Variants in NCOR2 observed in about 807,000 individuals in gnomAD.
NCOR2 encodes the protein nuclear receptor corepressor 2, also known as CTG repeat protein 26.
In NCOR2, 81 loss-of-function variants were observed where a neutral mutation model predicts 262.9. The observed-to-expected ratio is 0.31, with a 90% CI of 0.26 to 0.37. The LOEUF (loss-of-function observed/expected upper bound fraction) is 0.37, where lower values mean the gene tolerates loss of function less well. Ranked by LOEUF, NCOR2 falls within the 10% of genes least tolerant of loss-of-function variation. NCOR2 has a pLI of 1.00. For missense variants in NCOR2, 3,385 were observed against 3,621.4 expected, an observed-to-expected ratio of 0.93 and a Z score of 1.68; for synonymous variants, 1,659 against 1,559.3, an observed-to-expected ratio of 1.06 and a Z score of -1.51.
chr12:124,562,938 C>T (rs934296669), intron 1 of NCOR2, among the ~76,000 whole-genome samples: 1 of 152,140 alleles, frequency 6.6e-6, no homozygotes, highest in African/African-American at 2.4e-5. Context: ...TATCTCACAA[C>T]CATAAAGTCA....
intron 26 of NCOR2, 118 bp from the exon 29 acceptor site, chr12:124,354,314 A>G (rs2037767691): frequency 1.6e-6 from 2 of 1,220,164 alleles, no homozygotes; most frequent in South Asian, 1.4e-5. Flanking sequence ...GTTTCAACGC[A>G]GAGGGAGTCC....
chr12:124,536,579 C>A (rs1302296016), upstream of NCOR2, among the ~76,000 whole-genome samples: 2 of 152,282 alleles, frequency 1.3e-5, no homozygotes, highest in Non-Finnish European at 2.9e-5. Context: ...CGTCATCAGT[C>A]CTTAAGAGAG....
At chr12:124,544,087 AC>A (rs1207140440) in intron 1 of NCOR2, among the ~76,000 whole-genome samples, 2 of 151,900 alleles carry the variant, frequency 1.3e-5, no homozygotes, top group African/African-American at 2.4e-5. Flanking sequence ...TCTGCCCGGC[AC>A]CCCCTGCCCG....
At chr12:124,445,789 C>T (rs998730605) in intron 7 of NCOR2, among the ~76,000 whole-genome samples, 6 of 152,176 alleles carry the variant, frequency 3.9e-5, no homozygotes, top group African/African-American at 9.7e-5. Context: ...CAGTGCCTGG[C>T]GTGTAGTAGA....
At chr12:124,331,624 T>TC (rs1433633065) in intron 43 of NCOR2, 2 of 152,872 alleles carry the variant, frequency 1.3e-5, no homozygotes, top group Non-Finnish European at 2.9e-5. Flanking sequence ...TTAAAGTTTT[T>TC]TGTAGAGATG....
chr12:124,362,442 G>C, intron 21 of NCOR2, 145 bp from the exon 24 acceptor site: 1 of 726,712 alleles, frequency 1.4e-6, no homozygotes, highest in Non-Finnish European at 2.1e-6. Context: ...GCAAGAAAGG[G>C]AGGTCTTAGC....
exon 37 of NCOR2, chr12:124,340,149 G>A (rs1052234031): frequency 5.6e-6 from 9 of 1,596,976 alleles, no homozygotes; most frequent in South Asian, 1.1e-5. Flanking sequence ...AGTGGGAGGC[G>A]GGGCGGCTGC....
At position 124,396,243 on chromosome 12, in the gene NCOR2, C is replaced by T. The variant is rs2041648853; in HGVS notation, c.1876+1876G>A. Among the ~76,000 whole-genome samples the T allele has an allele frequency of 2.0e-5, 3 of 152,248 alleles. No individual in the cohort carries two copies. In the South Asian group the frequency reaches 6.2e-4, roughly 32 times the overall value. ...TTTCCATCTGGGGTGAGAAAAAGTT[C>T]TGGAACTAGGCAGTGGTGAGGGTTG... is the stretch of plus-strand genomic sequence containing the variant. On this transcript the variant is annotated intron_variant, in intron 16 of 46. Coordinates refer to ENST00000405201, the Ensembl canonical transcript of NCOR2.
At chr12:124,337,222 C>T (rs1331869425) in intron 37 of NCOR2, 42 bp from the exon 40 acceptor site, 1 of 1,540,868 alleles carries the variant, frequency 6.5e-7, no homozygotes, top group East Asian at 2.4e-5. Context: ...ATGGGAGCTG[C>T]CCTCTTCCTC....
intron 4 of NCOR2, among the ~76,000 whole-genome samples, chr12:124,471,277 T>G (rs375191893): frequency 6.6e-6 from 1 of 152,216 alleles, no homozygotes; most frequent in Non-Finnish European, 1.5e-5. Context: ...TTCACCCACC[T>G]GCCTACAGTG....
intron 5 of NCOR2, among the ~76,000 whole-genome samples, chr12:124,463,455 T>A (rs556875680): frequency 6.6e-6 from 1 of 152,202 alleles, no homozygotes; most frequent in Non-Finnish European, 1.5e-5. Context: ...CCCTGCCATC[T>A]GTGCACACCT....
At chr12:124,452,132 C>T (rs1220171928) in intron 6 of NCOR2, among the ~76,000 whole-genome samples, 2 of 152,224 alleles carry the variant, frequency 1.3e-5, no homozygotes, top group Non-Finnish European at 2.9e-5. Flanking sequence ...GAAGTTTGAA[C>T]AAGAGGGAGA....
In NCOR2 at chr12:124,356,704, C is replaced by CGG; in HGVS notation, c.3177_3178dup (p.Arg1060ProfsTer4). On this transcript the variant is annotated frameshift_variant, in exon 23 of 47. Transcript: ENST00000405201. LOFTEE classifies it high-confidence loss of function. ...ATGCGGGGAGGCCTTGATCACCTCA[C>CGG]GGGGGGGCACGGGGAAGGGCAGGCC... The CGG allele has an allele frequency of 6.7e-7, 1 of 1,490,020 alleles. No individual in the cohort carries two copies. The highest frequency in any genetic ancestry group is 8.9e-7 in the Non-Finnish European group (1 of 1,129,730). The allele number at this position is 1,490,020 out of a possible 1,614,324, so 92.3% of individuals were successfully genotyped here.
rs1279859660 is a variant in NCOR2, at chr12:124,517,738, G to A, written c.-118+17827C>T. Among the ~76,000 whole-genome samples the A allele has an allele frequency of 3.3e-5, 5 of 152,202 alleles. No individual in the cohort carries two copies. Among genetic ancestry groups the A allele is most frequent in the Non-Finnish European group, 7.4e-5 (5 of 68,020 alleles). The stretch of plus-strand genomic sequence containing the variant: ...AAGGAGAGGAGCACAGTGCCCACCC[G>A]GGTCCCCTCCCACGCGGGCCGGCCA... On this transcript the variant is annotated intron_variant, in intron 1 of 46. Transcript: ENST00000404621. The surrounding 1 kb of genome is among the most constrained non-coding windows in gnomAD (Gnocchi z 7.6).
In NCOR2 at chr12:124,345,083, G is replaced by A. The variant is rs139534862; in HGVS notation, c.4360-132C>T. On this transcript the variant is annotated intron_variant, in intron 31 of 46. Coordinates refer to ENST00000405201, the Ensembl canonical transcript of NCOR2. ...GACATCTGATGCCTCCAGAGGCAGGGAGACAGAGGGCTTTGCTAACCCTGA... is the reference window on the plus strand; with the variant it reads ...GACATCTGATGCCTCCAGAGGCAGGAAGACAGAGGGCTTTGCTAACCCTGA... 147 of 819,562 alleles carry A rather than the reference G, an allele frequency of 1.8e-4. No homozygotes were observed. In the African/African-American group the frequency reaches 2.4e-3, roughly 13 times the overall value. 50.8% of individuals were successfully genotyped at this position (819,562 alleles called of 1,614,324 possible).
chr12:124,325,411 G>T, exon 47 of NCOR2: 1 of 592,656 alleles, frequency 1.7e-6, no homozygotes, highest in Non-Finnish European at 2.2e-6. Flanking sequence ...GTCACTCGCT[G>T]TCGGAGAGTG....
intron 4 of NCOR2, among the ~76,000 whole-genome samples, chr12:124,470,671 T>A (rs2046787589): frequency 6.6e-6 from 1 of 151,950 alleles, no homozygotes; most frequent in Admixed American, 6.6e-5. Context: ...GAACGGGGAG[T>A]GGCTGCTTTA....
intron 27 of NCOR2, 109 bp from the exon 30 acceptor site, chr12:124,350,846 G>A (rs903459959): frequency 2.4e-5 from 28 of 1,150,028 alleles, no homozygotes; most frequent in Admixed American, 1.4e-4. Context: ...CGATGCACAC[G>A]CGTGTCCACA....
upstream of NCOR2, among the ~76,000 whole-genome samples, chr12:124,497,502 C>A (rs566295619): frequency 2.2e-4 from 34 of 152,336 alleles, no homozygotes; most frequent in African/African-American, 8.2e-4. This position sits in a 1 kb window ranked among gnomAD's most constrained non-coding sequence, Gnocchi z 4.2. Flanking sequence ...GCCGTCTAGC[C>A]CCGGGCCTGT....
Sources: allele counts gnomAD v4.1 joint callset (sites outside exome capture counted in the v4.1 genomes callset), GRCh38; gene constraint gnomAD v4.1.1; non-coding constraint Gnocchi (gnomAD v3.1); transcripts MANE v1.5; gene names NCBI Gene and HGNC (gene_info 2026-07-23, HGNC 2026-07-21).